The following CPNE4 variants were observed in gnomAD, a reference collection of about 807,000 sequenced individuals.
The protein encoded by CPNE4 is copine 4.
A neutral mutation model predicts 67.9 loss-of-function variants in CPNE4; 25 were observed. The ratio of observed to expected loss-of-function variants is 0.37; its 90% confidence interval spans 0.27 to 0.51. CPNE4 has a LOEUF of 0.51. CPNE4 is among the 20% of genes least tolerant of loss of function. The probability of loss-of-function intolerance (pLI) is 0.93; values close to 1 mark genes in which losing one functional copy is unlikely to be tolerated. For missense variants in CPNE4, 464 were observed against 690.8 expected (o/e 0.67, Z 3.68); for synonymous variants, 242 against 244.9 (o/e 0.99, Z 0.11).
intron 2 of CPNE4, among the ~76,000 whole-genome samples, chr3:131,739,938 A>G (rs1018249627): frequency 4.6e-5 from 7 of 152,236 alleles, no homozygotes; most frequent in African/African-American, 1.7e-4. Flanking sequence ...TCTCTGTACC[A>G]TATATGAATG....
chr3:131,986,381 A>G (rs575399883), intron 1 of CPNE4, among the ~76,000 whole-genome samples: 5 of 152,346 alleles, frequency 3.3e-5, no homozygotes, highest in African/African-American at 4.8e-5. Flanking sequence ...ACAAGCCAGT[A>G]TGGGTCAGCT....
chr3:131,658,555 T>C (rs1245668685), intron 7 of CPNE4, among the ~76,000 whole-genome samples: 2 of 152,202 alleles, frequency 1.3e-5, no homozygotes, highest in African/African-American at 2.4e-5. Context: ...TCTTTCTTGA[T>C]ATTTGTTTTG....
chr3:131,564,351 TA>T lies in CPNE4; in HGVS notation c.928-3del. 1 of 1,607,596 alleles carries T rather than the reference TA, an allele frequency of 6.2e-7. No individual in the cohort carries two copies. Among genetic ancestry groups the T allele is most frequent in the Non-Finnish European group, 8.5e-7 (1 of 1,177,558 alleles). On this transcript the variant is annotated splice_region_variant and splice_polypyrimidine_tract_variant and intron_variant, in intron 10 of 15. Transcript: ENST00000429747. Reference sequence around the variant, plus strand: ...TGAGGCAGTGAAATCTATAGCTACCTAAAAGAGAAAAATACAAGAAAAGGTA... The same window carrying T: ...TGAGGCAGTGAAATCTATAGCTACCTAAAGAGAAAAATACAAGAAAAGGTA...
intron 2 of CPNE4, among the ~76,000 whole-genome samples, chr3:131,776,161 G>A (rs1362714684): frequency 2.6e-5 from 4 of 151,990 alleles, no homozygotes; most frequent in African/African-American, 4.8e-5. Flanking sequence ...AACTTCTCAC[G>A]AGTTTTCCAG....
At chr3:131,730,581 T>C (rs536832944) in intron 2 of CPNE4, among the ~76,000 whole-genome samples, 10 of 152,304 alleles carry the variant, frequency 6.6e-5, no homozygotes, top group Admixed American at 2.6e-4. Flanking sequence ...GATAAGGTCA[T>C]ACTGGAGTAT....
intron 1 of CPNE4, among the ~76,000 whole-genome samples, chr3:132,018,228 G>T (rs1438184346): frequency 6.6e-6 from 1 of 152,156 alleles, no homozygotes; most frequent in Non-Finnish European, 1.5e-5. Flanking sequence ...TTCTTGATGG[G>T]AAAAGAAGGT....
intron 7 of CPNE4, among the ~76,000 whole-genome samples, chr3:131,656,090 C>T (rs916332501): frequency 6.6e-6 from 1 of 150,530 alleles, no homozygotes; most frequent in African/African-American, 2.5e-5. Context: ...ATTCCAGCCC[C>T]TCATTCCTGA....
chr3:131,877,697 G>A (rs1309561445), intron 2 of CPNE4, among the ~76,000 whole-genome samples: 1 of 152,064 alleles, frequency 6.6e-6, no homozygotes, highest in East Asian at 1.9e-4. Flanking sequence ...GAATTAATAG[G>A]CCACTGGCTA....
In CPNE4 at chr3:131,533,781, G is replaced by T; in HGVS notation, c.*1414C>A. The T allele has an allele frequency of 6.6e-6, 1 of 152,090 alleles. No individual in the cohort carries two copies. Among genetic ancestry groups the T allele is most frequent in the East Asian group, 1.9e-4 (1 of 5,190 alleles). 9.4% of individuals were successfully genotyped at this position (152,090 alleles called of 1,614,324 possible). ...CCTCTTCAAACAAACAACAAATTTTGCCTTGTGATTTACTTCTTCATCTCT... is the reference window on the plus strand; with the variant it reads ...CCTCTTCAAACAAACAACAAATTTTTCCTTGTGATTTACTTCTTCATCTCT... On this transcript the variant is annotated 3_prime_UTR_variant, in exon 16 of 16. Transcript: ENST00000429747.
At chr3:131,796,983 T>C (rs1477975519) in intron 2 of CPNE4, among the ~76,000 whole-genome samples, 1 of 152,158 alleles carries the variant, frequency 6.6e-6, no homozygotes, top group African/African-American at 2.4e-5. Flanking sequence ...GGCAGAATGG[T>C]TTCTATTTAC....
chr3:131,982,396 C>A (rs981240894), intron 1 of CPNE4, among the ~76,000 whole-genome samples: 17 of 152,150 alleles, frequency 1.1e-4, no homozygotes, highest in African/African-American at 4.1e-4. Flanking sequence ...TCATTGCACA[C>A]CTTTTGTGCA....
chr3:131,816,802 C>T (rs558497113), intron 2 of CPNE4, among the ~76,000 whole-genome samples: 1 of 152,336 alleles, frequency 6.6e-6, no homozygotes, highest in East Asian at 1.9e-4. Context: ...ATGCCAACTT[C>T]TACCCCTACC....
Position 131,871,617 on chromosome 3 carries a change from A to G in CPNE4, c.180+33647T>C, listed in dbSNP as rs570917361. On this transcript the variant is annotated intron_variant, in intron 2 of 15. Transcript: ENST00000429747. Reference sequence around the variant, plus strand: ...GGAGAACAGTGGGTGAACTAGTCTCAAAATAACATACCCTCATTTCTCTCA... The same window carrying G: ...GGAGAACAGTGGGTGAACTAGTCTCGAAATAACATACCCTCATTTCTCTCA... Among the ~76,000 whole-genome samples, 5 of 152,344 alleles carry G rather than the reference A, an allele frequency of 3.3e-5. No homozygotes were observed. The South Asian group carries it at 1.0e-3, about 32-fold the overall frequency.
chr3:131,882,917 C>CCCCTGACCT (rs2087736246), intron 2 of CPNE4, among the ~76,000 whole-genome samples: 4 of 152,002 alleles, frequency 2.6e-5, no homozygotes, highest in African/African-American at 9.7e-5. Context: ...TGGGGTTTCA[C>CCCCTGACCT]CATGTTAGCC....
chr3:131,535,023 T>G lies in CPNE4; in HGVS notation c.*172A>C. The G allele has an allele frequency of 1.9e-6, 1 of 533,244 alleles. No individual in the cohort carries two copies. Among genetic ancestry groups the G allele is most frequent in the Non-Finnish European group, 3.1e-6 (1 of 321,602 alleles). 33.0% of individuals were successfully genotyped at this position (533,244 alleles called of 1,614,324 possible). On this transcript the variant is annotated 3_prime_UTR_variant, in exon 16 of 16. Transcript: ENST00000429747. The stretch of plus-strand genomic sequence containing the variant: ...TACAAGGGCTTAACAGATCCAGGCC[T>G]CAGGGCTACACATGCAAAAAAAATT...
intron 1 of CPNE4, among the ~76,000 whole-genome samples, chr3:132,023,206 T>A (rs1418540996): frequency 6.6e-6 from 1 of 152,172 alleles, no homozygotes; most frequent in Non-Finnish European, 1.5e-5. Flanking sequence ...GTCCAATCGT[T>A]CATCTTTTTT....
In CPNE4 at chr3:131,575,345, C is replaced by T. The variant is rs535443278; in HGVS notation, c.868-215G>A. Among the ~76,000 whole-genome samples the T allele has an allele frequency of 2.0e-5, 3 of 152,214 alleles. No individual in the cohort carries two copies. In the South Asian group the frequency reaches 6.2e-4, roughly 32 times the overall value. Reference sequence around the variant, plus strand: ...TGGGCCTATGAATGCTGCCAATATCCATCCATTGCTCCCCTCTATTATGGT... The same window carrying T: ...TGGGCCTATGAATGCTGCCAATATCTATCCATTGCTCCCCTCTATTATGGT... On this transcript the variant is annotated intron_variant, in intron 9 of 15. Coordinates refer to ENST00000429747, the MANE Select transcript of CPNE4 (RefSeq NM_130808.3).
At chr3:131,984,341 T>C (rs1047532453) in intron 1 of CPNE4, among the ~76,000 whole-genome samples, 1 of 152,210 alleles carries the variant, frequency 6.6e-6, no homozygotes, top group Non-Finnish European at 1.5e-5. Flanking sequence ...AAAGTAAAAC[T>C]GCATAAGGGT....
intron 2 of CPNE4, among the ~76,000 whole-genome samples, chr3:131,767,027 G>T (rs1233824417): frequency 6.6e-6 from 1 of 152,082 alleles, no homozygotes; most frequent in East Asian, 1.9e-4. Context: ...GTTGAAGCAG[G>T]GTTTTAAGTA....
Sources: gnomAD v4.1 joint callset for allele counts (sites outside exome capture counted in the v4.1 genomes callset) on GRCh38, gnomAD v4.1.1 for gene constraint, MANE v1.5 for transcripts, NCBI Gene and HGNC (gene_info 2026-07-23, HGNC 2026-07-21) for gene names.